The following ABCB5 variants were observed in gnomAD, a reference collection of about 807,000 sequenced individuals.
The protein encoded by ABCB5 is ATP binding cassette subfamily B member 5, also known as ATP-binding cassette sub-family B member 5.
ABCB5 carries 155 observed loss-of-function variants against 144.2 expected under a neutral mutation model. The ratio of observed to expected loss-of-function variants is 1.08; its 90% CI spans 0.94 to 1.23. ABCB5 has a LOEUF of 1.23. ABCB5 is among the 50% of genes most tolerant of loss of function. ABCB5 has a pLI of 0.00. For synonymous variants in ABCB5, 610 were observed against 528.6 expected, an observed-to-expected ratio of 1.15 and a Z score of -2.11; for missense variants, 1,830 against 1,520.8, an observed-to-expected ratio of 1.20 and a Z score of -3.38.
chr7:20,709,706 G>C (rs1012656176), intron 20 of ABCB5, among the ~76,000 whole-genome samples: 12 of 149,990 alleles, frequency 8.0e-5, no homozygotes, highest in Non-Finnish European at 1.2e-4. Flanking sequence ...GATGAGAGTG[G>C]CACATATGGT....
chr7:20,647,512 T>C (rs1470399314), intron 9 of ABCB5, 23 bp from the exon 10 acceptor site: 1 of 1,530,466 alleles, frequency 6.5e-7, no homozygotes, highest in African/African-American at 1.4e-5. Flanking sequence ...GAAAGATAAA[T>C]ATCACTTTGT....
Position 20,756,943 on chromosome 7 carries a change from T to G in ABCB5, c.*1319T>G, listed in dbSNP as rs1170334880. 1 of 152,314 alleles carries G rather than the reference T, an allele frequency of 6.6e-6. No individual in the cohort carries two copies. The highest frequency in any genetic ancestry group is 2.4e-5 in the African/African-American group (1 of 41,446). The allele number at this position is 152,314 out of a possible 1,614,324, so 9.4% of individuals were successfully genotyped here. On this transcript the variant is annotated 3_prime_UTR_variant, in exon 28 of 28. Coordinates refer to ENST00000404938, the MANE Select transcript of ABCB5 (RefSeq NM_001163941.2). ...TAATTGAAATCTTGTTAAACAAAAT[T>G]AAAACCATTTATATATTATGCTGCT...
chr7:20,746,606 T>A (rs943943523), intron 26 of ABCB5, among the ~76,000 whole-genome samples: 3 of 152,226 alleles, frequency 2.0e-5, no homozygotes, highest in Non-Finnish European at 4.4e-5. Context: ...TTTATCACCT[T>A]GATGTCTGTA....
At chr7:20,623,192 T>G in intron 1 of ABCB5, 73 bp from the exon 2 acceptor site, 1 of 894,004 alleles carries the variant, frequency 1.1e-6, no homozygotes, top group Non-Finnish European at 1.8e-6. Flanking sequence ...ATGTGGGATG[T>G]AAAGAATGCT....
At chr7:20,621,580 C>T (rs1186603699) in intron 1 of ABCB5, among the ~76,000 whole-genome samples, 1 of 151,978 alleles carries the variant, frequency 6.6e-6, no homozygotes, top group African/African-American at 2.4e-5. Flanking sequence ...GTAGCTGGCA[C>T]ATCATATAAG....
In ABCB5 at chr7:20,664,177, T is replaced by C. The variant is rs7784580; in HGVS notation, c.1707+5501T>C. 5.9e-3 allele frequency among the ~76,000 whole-genome samples: 893 copies of C among 152,320 alleles called. 9 individuals are homozygous for C. The highest frequency in any genetic ancestry group is 0.021 in the African/African-American group (858 of 41,568). On this transcript the variant is annotated intron_variant, in intron 14 of 27. Transcript: ENST00000404938. ...GAAGGATCATACCCTTTAAAATGGCTATAATGGTAAATTCTGTATTATGCA... is the reference window on the plus strand; with the variant it reads ...GAAGGATCATACCCTTTAAAATGGCCATAATGGTAAATTCTGTATTATGCA...
intron 16 of ABCB5, among the ~76,000 whole-genome samples, chr7:20,686,220 G>A (rs1413836309): frequency 6.6e-6 from 1 of 152,146 alleles, no homozygotes; most frequent in African/African-American, 2.4e-5. Context: ...ATGCAGATAG[G>A]CCCAGCACAT....
At chr7:20,691,691 G>A (rs189522177) in intron 16 of ABCB5, among the ~76,000 whole-genome samples, 2 of 151,988 alleles carry the variant, frequency 1.3e-5, no homozygotes, top group Non-Finnish European at 2.9e-5. Flanking sequence ...GAAAGATATT[G>A]CCTCAGAGGG....
intron 20 of ABCB5, among the ~76,000 whole-genome samples, chr7:20,712,098 G>A (rs1474763664): frequency 2.2e-5 from 3 of 138,710 alleles, no homozygotes; most frequent in South Asian, 2.4e-4. Context: ...AACATTAGCC[G>A]GGCATGCTGG....
chr7:20,630,346 T>C (rs1306805728), intron 4 of ABCB5, among the ~76,000 whole-genome samples: 1 of 151,958 alleles, frequency 6.6e-6, no homozygotes, highest in South Asian at 2.1e-4. Context: ...TTCTAATTTA[T>C]ACCTAAATTA....
At chr7:20,738,100 A>G (rs1462482241) in intron 23 of ABCB5, among the ~76,000 whole-genome samples, 1 of 152,204 alleles carries the variant, frequency 6.6e-6, no homozygotes, top group Non-Finnish European at 1.5e-5. Flanking sequence ...GTTATCCAGC[A>G]CTGCAAACAA....
chr7:20,650,840 A>G (rs1784560801), intron 12 of ABCB5, among the ~76,000 whole-genome samples: 2 of 152,200 alleles, frequency 1.3e-5, no homozygotes, highest in Non-Finnish European at 2.9e-5. Context: ...TGCATAGAAT[A>G]TCCATGCCCT....
intron 26 of ABCB5, among the ~76,000 whole-genome samples, chr7:20,750,383 T>TAC (rs3033674): frequency 0.035 from 4,878 of 141,046 alleles, 89 homozygotes; most frequent in East Asian, 0.07. Context: ...GGCTTCCCCC[T>TAC]ACACACACAC....
intron 5 of ABCB5, among the ~76,000 whole-genome samples, chr7:20,638,376 T>G (rs1352079678): frequency 1.5e-5 from 2 of 135,686 alleles, no homozygotes; most frequent in Non-Finnish European, 3.4e-5. Context: ...GATGTATAAT[T>G]TATTTAGCAT....
At chr7:20,637,821 T>C (rs1385105910) in intron 5 of ABCB5, among the ~76,000 whole-genome samples, 2 of 152,324 alleles carry the variant, frequency 1.3e-5, no homozygotes, top group Non-Finnish European at 2.9e-5. Context: ...AGGGGCAAAC[T>C]AGACAGCCAA....
At chr7:20,750,371 A>G (rs955180544) in intron 26 of ABCB5, among the ~76,000 whole-genome samples, 8 of 147,838 alleles carry the variant, frequency 5.4e-5, no homozygotes, top group Non-Finnish European at 1.0e-4. Flanking sequence ...TGAGAGTCCA[A>G]AGGCTTCCCC....
At chr7:20,730,198 G>A (rs1368537598) in intron 23 of ABCB5, among the ~76,000 whole-genome samples, 1 of 152,178 alleles carries the variant, frequency 6.6e-6, no homozygotes, top group East Asian at 1.9e-4. Flanking sequence ...TATGGAAATG[G>A]AATATCTGTA....
At chr7:20,654,257 A>G (rs2128027588) in intron 13 of ABCB5, among the ~76,000 whole-genome samples, 1 of 152,296 alleles carries the variant, frequency 6.6e-6, no homozygotes, top group East Asian at 1.9e-4. Context: ...TACAGTACTC[A>G]GTACATCATT....
intron 20 of ABCB5, among the ~76,000 whole-genome samples, chr7:20,717,319 C>T (rs1445099971): frequency 6.6e-6 from 1 of 152,084 alleles, no homozygotes; most frequent in Non-Finnish European, 1.5e-5. Flanking sequence ...AGCCCAAGAA[C>T]AAGATGTCCG....
Sources: gnomAD v4.1 joint callset for allele counts (sites outside exome capture counted in the v4.1 genomes callset) on GRCh38, gnomAD v4.1.1 for gene constraint, MANE v1.5 for transcripts, NCBI Gene and HGNC (gene_info 2026-07-23, HGNC 2026-07-21) for gene names.